The following SHISAL1 variants were observed in gnomAD, a reference collection of about 807,000 sequenced individuals.
SHISAL1 encodes shisa like 1.
In SHISAL1, 9 loss-of-function variants were observed where a neutral mutation model predicts 22.6. The observed-to-expected ratio is 0.40, with a 90% CI of 0.24 to 0.70. The LOEUF is 0.70. SHISAL1 is among the 30% of genes least tolerant of loss of function. SHISAL1 has a pLI of 0.39. For synonymous variants in SHISAL1, 119 were observed against 115.4 expected (o/e 1.03, Z -0.20); for missense variants, 246 against 270.6 (o/e 0.91, Z 0.64).
rs566252254 is a variant in SHISAL1, at chr22:44,308,907, G to A, written c.-33+3844C>T. Among the ~76,000 whole-genome samples, 493 of 115,940 alleles carry A rather than the reference G, an allele frequency of 4.3e-3. 4 individuals carry two copies. Among genetic ancestry groups the A allele is most frequent in the African/African-American group, 0.012 (452 of 37,116 alleles). 76.1% of individuals were successfully genotyped at this position (115,940 alleles called of 152,430 possible). ...CCAAACACATCCCACCTACTCTACT[G>A]TCATGGGGGGCGGGAGGCTGACCTT... is the stretch of plus-strand genomic sequence containing the variant. On this transcript the variant is annotated intron_variant, in intron 1 of 4. Transcript: ENST00000381176.
At position 44,285,577 on chromosome 22, in the gene SHISAL1, C is replaced by T. The variant is rs1214432212; in HGVS notation, c.450G>A (p.Gly150=). The change falls in exon 4 of 5, where the codon GGG becomes GGA. Residue 150 remains glycine, a synonymous_variant. Coordinates refer to ENST00000381176, the MANE Select transcript of SHISAL1 (RefSeq NM_001099294.2). ...CCGGCCGAGGGGCCCGAGCGGGGTTCCCCCACCGCCGGGGGTCCTGTTTCA... is the reference window on the plus strand; with the variant it reads ...CCGGCCGAGGGGCCCGAGCGGGGTTTCCCCACCGCCGGGGGTCCTGTTTCA... ...RWMKQDPRRW[G]NPARAPRPGQ... 2 of 1,613,660 alleles carry T rather than the reference C, an allele frequency of 1.2e-6. No homozygotes were observed. The highest frequency in any genetic ancestry group is 4.5e-5 in the East Asian group (2 of 44,878).
Position 44,269,094 on chromosome 22 carries a change from AAT to A in SHISAL1, c.599+16332_599+16333del, listed in dbSNP as rs376393898. On this transcript the variant is annotated intron_variant, in intron 4 of 4. Coordinates refer to ENST00000381176, the MANE Select transcript of SHISAL1 (RefSeq NM_001099294.2). ...ACTGCCCGGGACAGTAAACATCCACAATACACACACGCACAGCATGCCACACA... is the reference window on the plus strand; with the variant it reads ...ACTGCCCGGGACAGTAAACATCCACAACACACACGCACAGCATGCCACACA... Among the ~76,000 whole-genome samples, 79 of 152,042 alleles carry A rather than the reference AAT, an allele frequency of 5.2e-4. 1 individual carries two copies. The highest frequency in any genetic ancestry group is 1.8e-3 in the African/African-American group (74 of 41,452).
In SHISAL1 at chr22:44,289,490, GTGTGTT is replaced by G. The variant is rs1314446416; in HGVS notation, c.282-3751_282-3746del. Among the ~76,000 whole-genome samples, 1,351 of 152,148 alleles carry G rather than the reference GTGTGTT, an allele frequency of 8.9e-3. 16 individuals are homozygous for G. Among genetic ancestry groups the G allele is most frequent in the African/African-American group, 0.031 (1,281 of 41,502 alleles). On this transcript the variant is annotated intron_variant, in intron 3 of 4. Transcript: ENST00000381176. ...AATGTGTGTGTGTGTGTGTGTGTGT[GTGTGTT>G]TACTGCCGGGCTCCTGGCCTCTGCA...
the SHISAL1 span, among the ~76,000 whole-genome samples, chr22:44,320,567 C>T: frequency 6.6e-6 from 1 of 152,250 alleles, no homozygotes; most frequent in Non-Finnish European, 1.5e-5. Context: ...GCTTCTAAAT[C>T]GATCCAGAAC....
intron 3 of SHISAL1, among the ~76,000 whole-genome samples, chr22:44,286,772 TG>T (rs1466493965): frequency 6.6e-6 from 1 of 151,934 alleles, no homozygotes; most frequent in Non-Finnish European, 1.5e-5. Flanking sequence ...GTGCCCAGAG[TG>T]GATGGTGTCC....
chr22:44,283,557 G>A (rs1467928094), intron 4 of SHISAL1, among the ~76,000 whole-genome samples: 1 of 152,228 alleles, frequency 6.6e-6, no homozygotes, highest in African/African-American at 2.4e-5. Context: ...CAGTGACGTA[G>A]GAAATGGAAG....
chr22:44,295,289 T>A (rs9614431), intron 3 of SHISAL1, among the ~76,000 whole-genome samples: 17,232 of 151,954 alleles, frequency 0.11, 1,088 homozygotes, highest in South Asian at 0.16. Flanking sequence ...GGAAAAGAGA[T>A]GGCCAATTTA....
At chr22:44,259,357 A>G (rs1034842452) in intron 4 of SHISAL1, among the ~76,000 whole-genome samples, 5 of 151,968 alleles carry the variant, frequency 3.3e-5, no homozygotes, top group African/African-American at 1.2e-4. Flanking sequence ...AGAATCACTT[A>G]AACCTGGGAG....
In SHISAL1 at chr22:44,310,557, T is replaced by C. The variant is rs2055511184; in HGVS notation, c.-33+2194A>G. Among the ~76,000 whole-genome samples the C allele has an allele frequency of 6.6e-6, 1 of 152,118 alleles. No individual in the cohort carries two copies. Among genetic ancestry groups the C allele is most frequent in the Admixed American group, 6.5e-5 (1 of 15,274 alleles). On this transcript the variant is annotated intron_variant, in intron 1 of 4. Transcript: ENST00000381176. The surrounding 1 kb of genome is among the most constrained non-coding windows in gnomAD (Gnocchi z 4.0). ...GAAACGGGAGCCGTGCCCCACACCT[T>C]GCAGGTATACCAAACATAGAAAGGA...
chr22:44,257,925 AG>A (rs1345274980), intron 4 of SHISAL1, among the ~76,000 whole-genome samples: 2 of 152,200 alleles, frequency 1.3e-5, no homozygotes, highest in African/African-American at 4.8e-5. Context: ...GCGGATCACC[AG>A]GTCAGGAGTT....
chr22:44,296,519 C>A lies in SHISAL1; in HGVS notation c.281+153G>T, dbSNP rs559285956. On this transcript the variant is annotated intron_variant, in intron 3 of 4. Coordinates refer to ENST00000381176, the MANE Select transcript of SHISAL1 (RefSeq NM_001099294.2). ...TTAGAAGGCACAATGGGCCGAAAAC[C>A]CTGGTCATCCAAAGACTCTCCCAGA... 6.3e-4 allele frequency among the ~76,000 whole-genome samples: 96 copies of A among 152,280 alleles called. 1 individual carries two copies. The South Asian group carries it at 0.02, about 31-fold the overall frequency.
intron 4 of SHISAL1, among the ~76,000 whole-genome samples, chr22:44,253,832 C>CTGTGTGTG (rs61001074): frequency 0.016 from 2,320 of 149,258 alleles, 29 homozygotes; most frequent in African/African-American, 0.022. Flanking sequence ...AATCTAACAA[C>CTGTGTGTG]TGTGTGTGTG....
upstream of SHISAL1, among the ~76,000 whole-genome samples, chr22:44,315,778 C>A (rs115393672): frequency 0.014 from 2,075 of 152,150 alleles, 51 homozygotes; most frequent in African/African-American, 0.048. Flanking sequence ...CCCTCCAGGT[C>A]AAGGGGAGGA....
At position 44,244,173 on chromosome 22, in the gene SHISAL1, C is replaced by A. The variant is rs1890073695; in HGVS notation, c.*5512G>T. Reference sequence around the variant, plus strand: ...TCCAAGAAGAGGCTCTCTCTTGGGCCACCAGCTTGGTTCCAGCTGTGGCCA... The same window carrying A: ...TCCAAGAAGAGGCTCTCTCTTGGGCAACCAGCTTGGTTCCAGCTGTGGCCA... On this transcript the variant is annotated 3_prime_UTR_variant, in exon 5 of 5. Transcript: ENST00000381176. The A allele has an allele frequency of 6.6e-6, 1 of 152,204 alleles. No homozygotes were observed. The allele number at this position is 152,204 out of a possible 1,614,324, so 9.4% of individuals were successfully genotyped here. A position where few individuals can be genotyped will look rare whatever the true frequency, so the allele number is the denominator to read the frequency against.
At chr22:44,263,857 G>C (rs1158830870) in intron 4 of SHISAL1, among the ~76,000 whole-genome samples, 1 of 152,190 alleles carries the variant, frequency 6.6e-6, no homozygotes, top group Non-Finnish European at 1.5e-5. Context: ...CTGTCCTCTG[G>C]ATCTGTACAA....
At chr22:44,322,436 G>C in the SHISAL1 span, among the ~76,000 whole-genome samples, 5 of 152,166 alleles carry the variant, frequency 3.3e-5, no homozygotes, top group Non-Finnish European at 7.3e-5. Flanking sequence ...GGACCAGAGA[G>C]TGCCCAGGCT....
chr22:44,277,205 G>T (rs1023336879), intron 4 of SHISAL1, among the ~76,000 whole-genome samples: 18 of 152,180 alleles, frequency 1.2e-4, no homozygotes, highest in Non-Finnish European at 2.1e-4. Context: ...GCTCACGGAC[G>T]CGATGCCGGG....
chr22:44,314,038 T>C (rs889042039), upstream of SHISAL1, among the ~76,000 whole-genome samples: 12 of 151,214 alleles, frequency 7.9e-5, no homozygotes, highest in Admixed American at 7.9e-4. Flanking sequence ...GTGGGGGTGG[T>C]ATTTATTTAA....
intron 1 of SHISAL1, among the ~76,000 whole-genome samples, chr22:44,308,381 G>A (rs2055494063): frequency 3.3e-5 from 5 of 152,208 alleles, no homozygotes. Context: ...CGCACCTGAG[G>A]CCCCTTGTGG....
Sources: allele counts gnomAD v4.1 joint callset (sites outside exome capture counted in the v4.1 genomes callset), GRCh38; gene constraint gnomAD v4.1.1; non-coding constraint Gnocchi (gnomAD v3.1); transcripts MANE v1.5; gene names NCBI Gene and HGNC (gene_info 2026-07-23, HGNC 2026-07-21).